Variants in DISC1 observed in about 807,000 individuals in gnomAD.
The protein encoded by DISC1 is DISC1 scaffold protein, also known as disrupted in schizophrenia 1 protein.
Under a neutral mutation model 84.5 loss-of-function variants are expected in DISC1, and 57 were observed. That is an observed-to-expected ratio of 0.67 (90% confidence interval 0.55 to 0.84). The LOEUF is 0.84. Among genes scored for constraint, DISC1 ranks in the 40% least tolerant of loss-of-function variants. The pLI is 0.00. For missense variants in DISC1, 1,000 were observed against 1,057.8 expected, an observed-to-expected ratio of 0.95 and a Z score of 0.76; for synonymous variants, 411 against 415.2, an observed-to-expected ratio of 0.99 and a Z score of 0.12.
chr1:231,761,422 C>G (rs2075652932), intron 4 of DISC1, among the ~76,000 whole-genome samples: 1 of 152,174 alleles, frequency 6.6e-6, no homozygotes, highest in African/African-American at 2.4e-5. Context: ...GAAGCCTGTC[C>G]CTTGCTTCAT....
At chr1:231,683,560 A>C (rs1257906557) in intron 1 of DISC1, among the ~76,000 whole-genome samples, 1 of 148,432 alleles carries the variant, frequency 6.7e-6, no homozygotes, top group Non-Finnish European at 1.5e-5. Flanking sequence ...GATGCATGTA[A>C]TTTGCCTGTA....
chr1:232,024,014 A>T lies in DISC1; in HGVS notation c.2308-2421A>T, dbSNP rs1055903371. On this transcript the variant is annotated intron_variant, in intron 11 of 12. Transcript: ENST00000439617. ...CTTTGATTATTTTAGGGTCAGTAAAAATATATATATATATACACACACATA... is the reference window on the plus strand; with the variant it reads ...CTTTGATTATTTTAGGGTCAGTAAATATATATATATATATACACACACATA... Among the ~76,000 whole-genome samples the T allele has an allele frequency of 5.5e-5, 8 of 145,148 alleles. No homozygotes were observed. The East Asian group carries it at 1.7e-3, about 30-fold the overall frequency.
At position 231,753,207 on chromosome 1, in the gene DISC1, C is replaced by T. The variant is rs186560987; in HGVS notation, c.1268+3131C>T. On this transcript the variant is annotated intron_variant, in intron 4 of 12. Coordinates refer to ENST00000439617, the MANE Select transcript of DISC1 (RefSeq NM_018662.3). ...ACTCCACATTCCCCCTCCATATTACCCTAGTAGTGGTTCTCCATGAGGGGT... is the reference window on the plus strand; with the variant it reads ...ACTCCACATTCCCCCTCCATATTACTCTAGTAGTGGTTCTCCATGAGGGGT... Among the ~76,000 whole-genome samples the T allele has an allele frequency of 9.8e-5, 15 of 152,340 alleles. 1 individual carries two copies. The East Asian group carries it at 2.9e-3, about 29-fold the overall frequency.
chr1:231,929,804 A>G (rs2090546643), intron 9 of DISC1, among the ~76,000 whole-genome samples: 1 of 152,242 alleles, frequency 6.6e-6, no homozygotes. Flanking sequence ...GAGACTGACA[A>G]GAAAAAGTTG....
intron 10 of DISC1, among the ~76,000 whole-genome samples, chr1:231,967,006 A>T (rs983366666): frequency 7.2e-5 from 11 of 152,246 alleles, no homozygotes; most frequent in Non-Finnish European, 1.5e-5. Context: ...CAATGGTCTT[A>T]TCTGAAATTT....
At chr1:231,711,886 C>T (rs113857084) in intron 3 of DISC1, among the ~76,000 whole-genome samples, 27 of 152,252 alleles carry the variant, frequency 1.8e-4, no homozygotes, top group African/African-American at 6.3e-4. Context: ...CCCAAAGATA[C>T]CCACATCCTA....
At chr1:231,935,107 A>G (rs989330259) in intron 9 of DISC1, among the ~76,000 whole-genome samples, 2 of 152,208 alleles carry the variant, frequency 1.3e-5, no homozygotes, top group Non-Finnish European at 1.5e-5. Flanking sequence ...CAGCAGGATG[A>G]TACAGTCTGC....
At chr1:231,924,585 A>G (rs773757914) in intron 9 of DISC1, among the ~76,000 whole-genome samples, 2 of 152,108 alleles carry the variant, frequency 1.3e-5, no homozygotes, top group Non-Finnish European at 2.9e-5. Flanking sequence ...TCCTTTAGAG[A>G]TAGGAGTTCT....
intron 9 of DISC1, among the ~76,000 whole-genome samples, chr1:231,879,829 T>G (rs1574382062): frequency 6.6e-6 from 1 of 152,216 alleles, no homozygotes; most frequent in East Asian, 1.9e-4. Context: ...ATAATTCTAG[T>G]GCATTAAGAG....
chr1:231,762,156 TTTC>T (rs2075732042), intron 4 of DISC1, among the ~76,000 whole-genome samples: 1 of 111,256 alleles, frequency 9.0e-6, no homozygotes, highest in African/African-American at 3.5e-5. Flanking sequence ...CTTCTTTCTT[TTTC>T]TTTCTTTCTT....
intron 9 of DISC1, among the ~76,000 whole-genome samples, chr1:231,889,739 CCT>C (rs971617060): frequency 5.3e-5 from 8 of 152,022 alleles, no homozygotes; most frequent in Non-Finnish European, 8.8e-5. Context: ...CAGTTCTCCC[CCT>C]CTTTTTTTTT....
intron 10 of DISC1, among the ~76,000 whole-genome samples, chr1:231,976,099 C>A (rs1012146147): frequency 1.1e-4 from 17 of 152,170 alleles, no homozygotes; most frequent in African/African-American, 4.1e-4. Flanking sequence ...AGGCAGCGGG[C>A]AACTGTGCTT....
chr1:231,997,608 G>A (rs1666120982), intron 10 of DISC1, among the ~76,000 whole-genome samples: 1 of 152,070 alleles, frequency 6.6e-6, no homozygotes, highest in Non-Finnish European at 1.5e-5. Context: ...GGCTAGACAA[G>A]CAGTAGCAGA....
intron 9 of DISC1, among the ~76,000 whole-genome samples, chr1:231,846,322 G>C (rs577898851): frequency 6.6e-6 from 1 of 152,174 alleles, no homozygotes; most frequent in East Asian, 1.9e-4. Flanking sequence ...CCCACAGGAC[G>C]GGACAACTGC....
chr1:232,035,336 T>C (rs1371716642), intron 12 of DISC1, among the ~76,000 whole-genome samples: 2 of 152,076 alleles, frequency 1.3e-5, no homozygotes, highest in Admixed American at 6.5e-5. Context: ...TCCCAGCTAT[T>C]TGGGAGGCTG....
intron 3 of DISC1, chr1:231,723,636 T>G (rs1204354319): frequency 1.0e-6 from 1 of 985,368 alleles, no homozygotes; most frequent in African/African-American, 1.7e-5. Context: ...GCTCTGGTGA[T>G]TTTTGTCTCA....
chr1:231,749,692 A>G (rs1487622297), intron 3 of DISC1, among the ~76,000 whole-genome samples: 1 of 152,246 alleles, frequency 6.6e-6, no homozygotes, highest in East Asian at 1.9e-4. Flanking sequence ...CACTATGTCA[A>G]CAATGACCTT....
At chr1:231,799,517 C>G (rs556576302) in intron 7 of DISC1, among the ~76,000 whole-genome samples, 1 of 151,872 alleles carries the variant, frequency 6.6e-6, no homozygotes, top group Non-Finnish European at 1.5e-5. Flanking sequence ...GAACATCAAG[C>G]GGAGGGAGGG....
chr1:231,818,201 T>C (rs2081219758), intron 8 of DISC1, 128 bp from the exon 9 acceptor site: 2 of 974,296 alleles, frequency 2.1e-6, no homozygotes, highest in Admixed American at 3.5e-5. Context: ...CTAAGGAAAT[T>C]GTACATAATC....
Sources: allele counts gnomAD v4.1 joint callset (sites outside exome capture counted in the v4.1 genomes callset), GRCh38; gene constraint gnomAD v4.1.1; transcripts MANE v1.5; gene names NCBI Gene and HGNC (gene_info 2026-07-23, HGNC 2026-07-21).